The following COX10 variants were observed in gnomAD, a reference collection of about 807,000 sequenced individuals.
The protein encoded by COX10 is protoheme IX farnesyltransferase, mitochondrial.
A neutral mutation model predicts 37.3 loss-of-function variants in COX10; 27 were observed. The ratio of observed to expected loss-of-function variants is 0.72; its 90% CI spans 0.53 to 1.00. COX10 has a LOEUF of 1.00. Among genes scored for constraint, COX10 ranks in the 50% least tolerant of loss-of-function variants. COX10 has a pLI of 0.00. For missense variants in COX10, 475 were observed against 563.2 expected (o/e 0.84, Z 1.59); for synonymous variants, 222 against 229.1 (o/e 0.97, Z 0.28).
At chr17:14,153,017 T>A (rs1330644073) in intron 4 of COX10, among the ~76,000 whole-genome samples, 1 of 152,186 alleles carries the variant, frequency 6.6e-6, no homozygotes, top group Non-Finnish European at 1.5e-5. Context: ...ACTGCTTCAT[T>A]TCCAACGTCC....
At chr17:14,124,702 G>T (rs1307062362) in intron 4 of COX10, among the ~76,000 whole-genome samples, 1 of 152,190 alleles carries the variant, frequency 6.6e-6, no homozygotes, top group Non-Finnish European at 1.5e-5. Context: ...CCTCTGTGGA[G>T]TGTTTTGGGG....
At chr17:14,128,972 AGTACCTG>A (rs1290512204) in intron 4 of COX10, among the ~76,000 whole-genome samples, 2 of 152,150 alleles carry the variant, frequency 1.3e-5, no homozygotes, top group African/African-American at 4.8e-5. Flanking sequence ...TCAGCCCCCC[AGTACCTG>A]GTATTACAGG....
chr17:14,099,710 A>G (rs967019260), intron 3 of COX10, among the ~76,000 whole-genome samples: 2 of 151,904 alleles, frequency 1.3e-5, no homozygotes, highest in Non-Finnish European at 2.9e-5. Flanking sequence ...CCTTGATCTC[A>G]TGCATTCCCT....
chr17:14,152,195 G>C lies in COX10; in HGVS notation c.625-7682G>C, dbSNP rs374288316. On this transcript the variant is annotated intron_variant, in intron 4 of 6. Transcript: ENST00000261643. Reference sequence around the variant, plus strand: ...TATATTAGTCCGTTTTCATGCTGCTGATAAGACATAACCCGCGATTGGGCA... The same window carrying C: ...TATATTAGTCCGTTTTCATGCTGCTCATAAGACATAACCCGCGATTGGGCA... Among the ~76,000 whole-genome samples the C allele has an allele frequency of 3.0e-4, 45 of 152,250 alleles. 1 individual carries two copies. The East Asian group carries it at 8.3e-3, about 28-fold the overall frequency.
intron 4 of COX10, among the ~76,000 whole-genome samples, chr17:14,102,630 A>C (rs1449190757): frequency 1.3e-5 from 2 of 152,144 alleles, no homozygotes; most frequent in Non-Finnish European, 2.9e-5. Flanking sequence ...CACTGCTATA[A>C]AGAACAGAAT....
chr17:14,193,302 T>TGGGG (rs1906267892), intron 6 of COX10, among the ~76,000 whole-genome samples: 3 of 152,286 alleles, frequency 2.0e-5, no homozygotes, highest in Non-Finnish European at 2.9e-5. Context: ...TGTCTCCTCA[T>TGGGG]CTCCCACATG....
chr17:14,207,181 G>A lies in COX10; in HGVS notation c.1300G>A (p.Gly434Arg), dbSNP rs374445401. ...CATGCTCACCTGCAAGCGGCCGAGC[G>A]GAGGCGGGGACGCAGGGCCCCCTCC... ...LLMLTCKRPS[G>R]GGDAGPPPS The change falls in exon 7 of 7, where the codon GGA (glycine) becomes AGA (arginine). Residue 434 changes from glycine to arginine, a missense_variant. Transcript: ENST00000261643. 32 of 1,605,288 alleles carry A rather than the reference G, an allele frequency of 2.0e-5. No homozygotes were observed. The highest frequency in any genetic ancestry group is 1.3e-4 in the Admixed American group (8 of 59,898).
At chr17:14,124,937 T>G (rs1916302647) in intron 4 of COX10, among the ~76,000 whole-genome samples, 1 of 152,202 alleles carries the variant, frequency 6.6e-6, no homozygotes, top group African/African-American at 2.4e-5. Flanking sequence ...GTGTAAAATG[T>G]ATTTCAATCT....
chr17:14,172,074 G>T (rs1905487296), intron 5 of COX10, among the ~76,000 whole-genome samples: 3 of 152,188 alleles, frequency 2.0e-5, no homozygotes, highest in African/African-American at 7.2e-5. Context: ...CATCCCAGCT[G>T]ACTTCTCTGC....
chr17:14,170,712 G>C (rs71366132), intron 5 of COX10, among the ~76,000 whole-genome samples: 1 of 152,184 alleles, frequency 6.6e-6, no homozygotes, highest in Non-Finnish European at 1.5e-5. Flanking sequence ...CAGCTCCTTA[G>C]AGGCTGAGGC....
intron 3 of COX10, among the ~76,000 whole-genome samples, chr17:14,087,417 A>G (rs894657301): frequency 3.3e-5 from 5 of 152,160 alleles, no homozygotes; most frequent in African/African-American, 9.7e-5. Context: ...TGTAAGCTCC[A>G]TGGGGTGGGG....
In COX10 at chr17:14,206,822, T is replaced by C; in HGVS notation, c.941T>C (p.Leu314Pro). The C allele has an allele frequency of 6.2e-7, 1 of 1,614,164 alleles. No homozygotes were observed. The highest frequency in any genetic ancestry group is 8.5e-7 in the Non-Finnish European group (1 of 1,180,026). The change falls in exon 7 of 7, where the codon CTG (leucine) becomes CCG (proline). Residue 314 changes from leucine to proline, a missense_variant. Leu to Pro is a moderately conservative substitution (Grantham distance 98). Around this residue, in one of 5 missense-constraint regions of COX10, gnomAD observed 17 missense variants for 36.3 expected, o/e 0.47. Coordinates refer to ENST00000261643, the MANE Select transcript of COX10 (RefSeq NM_001303.4). ...TGSLDAGAFL[L>P]GGILYSWQFP... ...GACCCCCGCACAGGCGCATTTCTCCTGGGAGGAATCCTCTACTCCTGGCAG... is the reference window on the plus strand; with the variant it reads ...GACCCCCGCACAGGCGCATTTCTCCCGGGAGGAATCCTCTACTCCTGGCAG...
intron 4 of COX10, among the ~76,000 whole-genome samples, chr17:14,135,121 T>C (rs973772896): frequency 5.3e-5 from 8 of 151,820 alleles, no homozygotes; most frequent in Non-Finnish European, 2.9e-5. Flanking sequence ...TCATACTATA[T>C]AGAGCTGTTC....
intron 5 of COX10, among the ~76,000 whole-genome samples, chr17:14,164,217 T>G (rs549290312): frequency 1.1e-4 from 17 of 152,358 alleles, no homozygotes; most frequent in Non-Finnish European, 2.1e-4. Flanking sequence ...AGGCTTAGGT[T>G]GTTTGCCATG....
At chr17:14,110,524 C>T (rs1353117261) in intron 4 of COX10, among the ~76,000 whole-genome samples, 1 of 152,032 alleles carries the variant, frequency 6.6e-6, no homozygotes, top group Non-Finnish European at 1.5e-5. Context: ...TGTGATTAAA[C>T]CTGATTTGGG....
At chr17:14,166,266 C>T (rs1408733336) in intron 5 of COX10, among the ~76,000 whole-genome samples, 2 of 152,224 alleles carry the variant, frequency 1.3e-5, no homozygotes, top group African/African-American at 2.4e-5. Flanking sequence ...GATAGGCTAA[C>T]TCTCATTAGA....
intron 3 of COX10, among the ~76,000 whole-genome samples, chr17:14,085,228 T>C (rs149249427): frequency 4.0e-4 from 61 of 152,332 alleles, no homozygotes; most frequent in African/African-American, 1.4e-3. Flanking sequence ...CCATATTCAG[T>C]AAATGTTCAA....
intron 4 of COX10, among the ~76,000 whole-genome samples, chr17:14,125,697 A>G (rs569528575): frequency 1.3e-5 from 2 of 152,220 alleles, no homozygotes; most frequent in African/African-American, 2.4e-5. Flanking sequence ...ATGGCATCCA[A>G]TTCACTTTCG....
intron 4 of COX10, among the ~76,000 whole-genome samples, chr17:14,118,672 A>C (rs1008053075): frequency 8.5e-5 from 13 of 152,172 alleles, no homozygotes; most frequent in Non-Finnish European, 1.9e-4. Context: ...AGGGGAGTAA[A>C]GGCATAAAAA....
Sources: gnomAD v4.1 joint callset for allele counts (sites outside exome capture counted in the v4.1 genomes callset) on GRCh38, gnomAD v4.1.1 for gene constraint, gnomAD v4.1.1 regional missense constraint, MANE v1.5 for transcripts, NCBI Gene and HGNC (gene_info 2026-07-23, HGNC 2026-07-21) for gene names.